The following CMTM8 variants were observed in gnomAD, a reference collection of about 807,000 sequenced individuals.
CMTM8 encodes the protein CKLF-like MARVEL transmembrane domain-containing protein 8.
Under a neutral mutation model 18.6 loss-of-function variants are expected in CMTM8, and 12 were observed. The ratio of observed to expected loss-of-function variants is 0.65; its 90% CI spans 0.41 to 1.05. CMTM8 has a LOEUF of 1.05. CMTM8 is among the 50% of genes least tolerant of loss of function. CMTM8 has a pLI of 0.00. For missense variants in CMTM8, 217 were observed against 227.2 expected (o/e 0.95, Z 0.29); for synonymous variants, 87 against 90.6 (o/e 0.96, Z 0.23).
At chr3:32,270,708 C>T (rs896074650) in intron 1 of CMTM8, among the ~76,000 whole-genome samples, 18 of 151,968 alleles carry the variant, frequency 1.2e-4, no homozygotes, top group East Asian at 3.9e-4. Context: ...CGTCACAACC[C>T]GGGGCCTGTT....
chr3:32,251,461 A>G (rs1702109447), intron 1 of CMTM8, among the ~76,000 whole-genome samples: 1 of 149,952 alleles, frequency 6.7e-6, no homozygotes, highest in African/African-American at 2.5e-5. Flanking sequence ...CTACAGACAC[A>G]TGCCACCACA....
At chr3:32,260,069 G>T in intron 1 of CMTM8, 1 of 1,097,922 alleles carries the variant, frequency 9.1e-7, no homozygotes, top group Non-Finnish European at 1.4e-6. Context: ...GGCTGAGATC[G>T]CCAGCTACCA....
At chr3:32,289,119 T>G (rs4591529) in intron 1 of CMTM8, among the ~76,000 whole-genome samples, 5,958 of 152,236 alleles carry the variant, frequency 0.039, 196 homozygotes, top group Admixed American at 0.12. Flanking sequence ...GAACCAGAGA[T>G]TGAAACTTCT....
intron 1 of CMTM8, among the ~76,000 whole-genome samples, chr3:32,255,852 A>G (rs1702168339): frequency 6.6e-6 from 1 of 151,946 alleles, no homozygotes; most frequent in African/African-American, 2.4e-5. Context: ...CAGCCTCCCG[A>G]GTAGCTGGGA....
intron 1 of CMTM8, among the ~76,000 whole-genome samples, chr3:32,273,713 A>G (rs572598193): frequency 1.3e-4 from 20 of 152,272 alleles, no homozygotes; most frequent in African/African-American, 4.6e-4. Flanking sequence ...TATTGCTGAT[A>G]GATATGGAGT....
chr3:32,308,015 T>C (rs1695750167), intron 1 of CMTM8, among the ~76,000 whole-genome samples: 1 of 152,206 alleles, frequency 6.6e-6, no homozygotes, highest in Non-Finnish European at 1.5e-5. Flanking sequence ...GTTAAGACCA[T>C]TCCTTTAAGC....
chr3:32,340,241 C>T (rs921514500), intron 1 of CMTM8, among the ~76,000 whole-genome samples: 9 of 152,138 alleles, frequency 5.9e-5, no homozygotes, highest in African/African-American at 1.7e-4. Flanking sequence ...CAACAGGGTC[C>T]GGTTGTATCA....
chr3:32,260,012 C>T (rs1575149090), intron 1 of CMTM8: 6 of 1,132,062 alleles, frequency 5.3e-6, no homozygotes, highest in African/African-American at 1.5e-5. Context: ...GGGACAGCAC[C>T]AGGCCCAGGA....
chr3:32,299,137 A>C (rs924890433), intron 1 of CMTM8, among the ~76,000 whole-genome samples: 7 of 151,676 alleles, frequency 4.6e-5, no homozygotes, highest in Admixed American at 4.6e-4. Flanking sequence ...AAGAGTCCTG[A>C]CGTATTTTCA....
At chr3:32,348,928 A>T (rs529121001) in intron 1 of CMTM8, among the ~76,000 whole-genome samples, 1 of 151,708 alleles carries the variant, frequency 6.6e-6, no homozygotes, top group South Asian at 2.1e-4. Flanking sequence ...ATCATGCAGC[A>T]TTTCTATTGA....
intron 1 of CMTM8, among the ~76,000 whole-genome samples, chr3:32,322,344 G>C (rs907912476): frequency 1.3e-5 from 2 of 152,120 alleles, no homozygotes; most frequent in African/African-American, 4.8e-5. Flanking sequence ...CTTTAGTGGT[G>C]TGTTTATTAA....
At chr3:32,260,713 T>C (rs533850738) in intron 1 of CMTM8, among the ~76,000 whole-genome samples, 1 of 152,244 alleles carries the variant, frequency 6.6e-6, no homozygotes, top group East Asian at 1.9e-4. Flanking sequence ...ATGTTTCTTC[T>C]TCAAGTAGAG....
Position 32,370,017 on chromosome 3 carries a change from A to G in CMTM8, c.*50A>G. The G allele has an allele frequency of 1.9e-6, 2 of 1,057,388 alleles. No individual in the cohort carries two copies. The highest frequency in any genetic ancestry group is 2.9e-6 in the Non-Finnish European group (2 of 701,654). 65.5% of individuals were successfully genotyped at this position (1,057,388 alleles called of 1,614,324 possible). A position where few individuals can be genotyped will look rare whatever the true frequency, so the allele number is the denominator to read the frequency against. On this transcript the variant is annotated 3_prime_UTR_variant, in exon 4 of 4. Transcript: ENST00000307526. ...AAAAAAAAAGGAAGACTCTCACTGTAAAAACAGCTGTAGGTATAATGTATA... is the reference window on the plus strand; with the variant it reads ...AAAAAAAAAGGAAGACTCTCACTGTGAAAACAGCTGTAGGTATAATGTATA...
intron 1 of CMTM8, among the ~76,000 whole-genome samples, chr3:32,315,865 C>T (rs1695917663): frequency 6.6e-6 from 1 of 152,008 alleles, no homozygotes; most frequent in Admixed American, 6.6e-5. Flanking sequence ...TTTTAAGAAA[C>T]CCAGATGCCT....
At chr3:32,356,079 A>C (rs1696809784) in intron 1 of CMTM8, among the ~76,000 whole-genome samples, 1 of 152,190 alleles carries the variant, frequency 6.6e-6, no homozygotes, top group Non-Finnish European at 1.5e-5. Flanking sequence ...GGATATGTAC[A>C]ATTTGTATAC....
chr3:32,356,109 T>G (rs573913591), intron 1 of CMTM8, among the ~76,000 whole-genome samples: 13 of 152,246 alleles, frequency 8.5e-5, no homozygotes, highest in Admixed American at 5.2e-4. Context: ...TGGGGCCTGA[T>G]AGCAGGAAGC....
intron 1 of CMTM8, among the ~76,000 whole-genome samples, chr3:32,249,488 G>A (rs372990718): frequency 4.0e-5 from 6 of 151,200 alleles, no homozygotes; most frequent in East Asian, 1.9e-4. Context: ...CAAAGGGACC[G>A]TACTGCTTTA....
At chr3:32,318,288 T>C (rs891363089) in intron 1 of CMTM8, among the ~76,000 whole-genome samples, 2 of 152,142 alleles carry the variant, frequency 1.3e-5, no homozygotes, top group Non-Finnish European at 2.9e-5. Context: ...GATTTCTCCC[T>C]GTTTAACCTC....
intron 1 of CMTM8, among the ~76,000 whole-genome samples, chr3:32,251,878 T>G (rs1702115063): frequency 6.6e-6 from 1 of 151,594 alleles, no homozygotes; most frequent in Non-Finnish European, 1.5e-5. Context: ...TGGCTTGAGC[T>G]CAGGAGTTCG....
Sources: gnomAD v4.1 joint callset for allele counts (sites outside exome capture counted in the v4.1 genomes callset) on GRCh38, gnomAD v4.1.1 for gene constraint, MANE v1.5 for transcripts, NCBI Gene and HGNC (gene_info 2026-07-23, HGNC 2026-07-21) for gene names.